The following TMEM143 variants were observed in gnomAD, a reference collection of about 807,000 sequenced individuals.
The protein encoded by TMEM143 is transmembrane protein 143.
A neutral mutation model predicts 40.3 loss-of-function variants in TMEM143; 45 were observed. The observed-to-expected ratio is 1.12, with a 90% confidence interval of 0.88 to 1.43. The LOEUF is 1.43. TMEM143 is among the 40% of genes most tolerant of loss of function. The pLI is 0.00. For synonymous variants in TMEM143, 299 were observed against 282.7 expected (o/e 1.06, Z -0.58); for missense variants, 620 against 613.4 (o/e 1.01, Z -0.11).
At chr19:48,355,839 T>G (rs528685627) in intron 3 of TMEM143, among the ~76,000 whole-genome samples, 2 of 152,332 alleles carry the variant, frequency 1.3e-5, no homozygotes, top group Admixed American at 1.3e-4. Context: ...TGTGTGTTAA[T>G]GTTGTCATCT....
At chr19:48,355,825 A>T (rs886684136) in intron 3 of TMEM143, among the ~76,000 whole-genome samples, 2 of 152,244 alleles carry the variant, frequency 1.3e-5, no homozygotes, top group Admixed American at 1.3e-4. Flanking sequence ...GCCACACTGG[A>T]TGCTGTGTGT....
chr19:48,349,968 T>TA, intron 3 of TMEM143, among the ~76,000 whole-genome samples: 1 of 150,824 alleles, frequency 6.6e-6, no homozygotes, highest in East Asian at 1.9e-4. Context: ...TTAGTTATGT[T>TA]AAATTTTAAC....
At chr19:48,334,525 TTCTTTC>T (rs1321949599) in intron 6 of TMEM143, among the ~76,000 whole-genome samples, 52 of 149,310 alleles carry the variant, frequency 3.5e-4, no homozygotes, top group African/African-American at 1.3e-3. Context: ...TTCTTTCTCT[TTCTTTC>T]TTTTCTTTTC....
At chr19:48,344,514 C>G (rs1474321779) in intron 4 of TMEM143, among the ~76,000 whole-genome samples, 1 of 152,078 alleles carries the variant, frequency 6.6e-6, no homozygotes, top group African/African-American at 2.4e-5. Context: ...GTCCGGAACT[C>G]CTGGGCTCGA....
At chr19:48,363,636 C>T in intron 1 of TMEM143, 105 bp from the exon 2 acceptor site, 1 of 1,478,200 alleles carries the variant, frequency 6.8e-7, no homozygotes, top group Non-Finnish European at 9.0e-7. Flanking sequence ...CCAGGCAGGG[C>T]GCAGAGCCCA....
chr19:48,356,123 C>CA (rs1372183279), intron 3 of TMEM143, among the ~76,000 whole-genome samples: 3 of 144,066 alleles, frequency 2.1e-5, no homozygotes, highest in Non-Finnish European at 4.6e-5. Flanking sequence ...CTTTTTTTTT[C>CA]TTTTTTTTTT....
Position 48,332,988 on chromosome 19 carries a change from G to A in TMEM143, c.*231C>T. ...GGTGGGACTAAGAAATGGAACAGAA[G>A]CAGAGCTAAATCGCTTTGATTGGCT... On this transcript the variant is annotated 3_prime_UTR_variant, in exon 8 of 8. Coordinates refer to ENST00000293261, the MANE Select transcript of TMEM143 (RefSeq NM_018273.4). The A allele has an allele frequency of 2.6e-6, 1 of 380,380 alleles. No individual in the cohort carries two copies. Among genetic ancestry groups the A allele is most frequent in the East Asian group, 3.9e-5 (1 of 25,722 alleles). 23.6% of individuals were successfully genotyped at this position (380,380 alleles called of 1,614,324 possible).
rs1969259207 is a variant in TMEM143, at chr19:48,333,281, C to G, written c.1318G>C (p.Asp440His). 5 of 1,561,970 alleles carry G rather than the reference C, an allele frequency of 3.2e-6. No homozygotes were observed. Among genetic ancestry groups the G allele is most frequent in the Non-Finnish European group, 4.4e-6 (5 of 1,146,230 alleles). ...TCGGAAGTGATCGGAGCCACTGGGT[C>G]TAGTTTGGGGAAACCCGGGGGTGGG... ...LYPPPGFPKL[D>H]PVAPITSEPP... Residue 440 changes from aspartate (D) to histidine (H), a missense_variant, in exon 8 of 8, where the codon GAC becomes CAC. By Grantham distance (81) the Asp-to-His change is moderately conservative (BLOSUM62 -1). Transcript: ENST00000293261. The surrounding 1 kb of genome is among the most constrained non-coding windows in gnomAD (Gnocchi z 4.1).
chr19:48,334,416 CTCTTTCTTTCTTTCTTTCTT>C (rs201875941), intron 6 of TMEM143, among the ~76,000 whole-genome samples: 3,535 of 108,126 alleles, frequency 0.033, 74 homozygotes, highest in African/African-American at 0.055. Context: ...TTCTTTTTCT[CTCTTTCTTTCTTTCTTTCTT>C]TCTTTCTTTC....
At chr19:48,336,821 T>A (rs1969380741) in intron 6 of TMEM143, among the ~76,000 whole-genome samples, 1 of 151,214 alleles carries the variant, frequency 6.6e-6, no homozygotes, top group African/African-American at 2.4e-5. Flanking sequence ...ATCGAGACCA[T>A]CCTGGCTAAC....
chr19:48,339,251 T>C (rs1018616638), intron 6 of TMEM143, among the ~76,000 whole-genome samples: 8 of 152,082 alleles, frequency 5.3e-5, no homozygotes, highest in African/African-American at 9.7e-5. Context: ...CATCCTTAGA[T>C]GCGGAGCCCA....
At chr19:48,341,916 T>C (rs1969495510) in intron 6 of TMEM143, among the ~76,000 whole-genome samples, 1 of 151,972 alleles carries the variant, frequency 6.6e-6, no homozygotes, top group Admixed American at 6.6e-5. Flanking sequence ...ACTCATTTCA[T>C]GCTCACAACC....
Position 48,333,966 on chromosome 19 carries a change from G to T in TMEM143, c.1165+42C>A. 6.8e-7 allele frequency: 1 copy of T among 1,475,732 alleles called. No homozygotes were observed. Among genetic ancestry groups the T allele is most frequent in the South Asian group, 1.3e-5 (1 of 78,158 alleles). The allele number at this position is 1,475,732 out of a possible 1,614,324, so 91.4% of individuals were successfully genotyped here. A position where few individuals can be genotyped will look rare whatever the true frequency, so the allele number is the denominator to read the frequency against. ...ATCTCGCTGGGGCGGGGCCTCGCGG[G>T]GGTGTGGCCCCTGGGGGCAGGGTCC... On this transcript the variant is annotated intron_variant, in intron 7 of 7. Transcript: ENST00000293261. This position sits in a 1 kb window ranked among gnomAD's most constrained non-coding sequence, Gnocchi z 4.1.
chr19:48,352,251 A>AAAAAAAAAAAAAC (rs1569033843), intron 3 of TMEM143, among the ~76,000 whole-genome samples: 1 of 147,844 alleles, frequency 6.8e-6, no homozygotes, highest in African/African-American at 2.5e-5. Context: ...TGTCTCAAAA[A>AAAAAAAAAAAAAC]AAAAAAAAAA....
chr19:48,342,058 G>A (rs1341722226), intron 6 of TMEM143, among the ~76,000 whole-genome samples: 2 of 146,316 alleles, frequency 1.4e-5, no homozygotes, highest in Non-Finnish European at 3.0e-5. Context: ...GGGGAGCGGA[G>A]GAGAGGGCAA....
At chr19:48,345,723 G>T (rs923964930) in intron 3 of TMEM143, among the ~76,000 whole-genome samples, 6 of 151,690 alleles carry the variant, frequency 4.0e-5, no homozygotes, top group Admixed American at 2.6e-4. Flanking sequence ...TGCCCGCCTC[G>T]GCCTCCCAAA....
At chr19:48,353,710 A>G (rs1257648761) in intron 3 of TMEM143, among the ~76,000 whole-genome samples, 3 of 151,836 alleles carry the variant, frequency 2.0e-5, no homozygotes, top group Non-Finnish European at 4.4e-5. Flanking sequence ...GAATTAAGGT[A>G]AAGATACAGA....
At chr19:48,354,267 T>TC (rs895302502) in intron 3 of TMEM143, among the ~76,000 whole-genome samples, 7 of 132,284 alleles carry the variant, frequency 5.3e-5, no homozygotes, top group African/African-American at 1.9e-4. Flanking sequence ...ACTTTTTCTT[T>TC]TTTTTTTTTT....
chr19:48,353,889 A>G (rs965314931), intron 3 of TMEM143, among the ~76,000 whole-genome samples: 4 of 151,594 alleles, frequency 2.6e-5, no homozygotes, highest in African/African-American at 9.7e-5. Context: ...TGGCAGCTAC[A>G]GGAAGCCAGG....
Sources: allele counts gnomAD v4.1 joint callset (sites outside exome capture counted in the v4.1 genomes callset), GRCh38; gene constraint gnomAD v4.1.1; non-coding constraint Gnocchi (gnomAD v3.1); transcripts MANE v1.5; gene names NCBI Gene and HGNC (gene_info 2026-07-23, HGNC 2026-07-21).